The following GDF6 variants were observed in gnomAD, a reference collection of about 807,000 sequenced individuals.
The protein encoded by GDF6 is growth/differentiation factor 6.
Under a neutral mutation model 32.4 loss-of-function variants are expected in GDF6, and 3 were observed. The observed-to-expected ratio is 0.09, with a 90% CI of 0.04 to 0.24. The LOEUF (loss-of-function observed/expected upper bound fraction) is 0.24. Among genes scored for constraint, GDF6 ranks in the 10% least tolerant of loss-of-function variants. GDF6 has a pLI of 1.00. For missense variants in GDF6, 589 were observed against 637.9 expected (o/e 0.92, Z 0.83); for synonymous variants, 296 against 295.3 (o/e 1.00, Z -0.03).
At chr8:96,158,244 C>T (rs1158989888) in intron 1 of GDF6, among the ~76,000 whole-genome samples, 2 of 152,162 alleles carry the variant, frequency 1.3e-5, no homozygotes, top group Admixed American at 1.3e-4. Context: ...GAACAGAGGC[C>T]TCCCCAGACT....
At chr8:96,156,069 A>G (rs903958931) in intron 1 of GDF6, among the ~76,000 whole-genome samples, 2 of 152,194 alleles carry the variant, frequency 1.3e-5, no homozygotes, top group Non-Finnish European at 2.9e-5. Context: ...CCAACAAACA[A>G]TCAGTGGCAA....
intron 1 of GDF6, among the ~76,000 whole-genome samples, chr8:96,149,069 G>T (rs1329060834): frequency 6.6e-6 from 1 of 152,100 alleles, no homozygotes; most frequent in African/African-American, 2.4e-5. Context: ...GCCATCTGTG[G>T]GCAAAAAGCC....
At chr8:96,146,707 C>CACACAGAGAG (rs367654279) in intron 1 of GDF6, among the ~76,000 whole-genome samples, 1 of 139,920 alleles carries the variant, frequency 7.1e-6, no homozygotes, top group African/African-American at 2.9e-5. Flanking sequence ...CACACACACA[C>CACACAGAGAG]AGAGAGAGAG....
In GDF6 at chr8:96,160,392, T is replaced by C; in HGVS notation, c.301A>G (p.Ile101Val). 6.2e-7 allele frequency: 1 copy of C among 1,614,208 alleles called. No homozygotes were observed. Among genetic ancestry groups the C allele is most frequent in the Non-Finnish European group, 8.5e-7 (1 of 1,180,006 alleles). The change falls in exon 1 of 2, where the codon ATC becomes GTC. Residue 101 changes from isoleucine (I) to valine (V), a missense_variant. This residue lies in a region of GDF6 where 436 missense variants were observed against 411.2 expected (regional missense o/e 1.06). Coordinates refer to ENST00000287020, the MANE Select transcript of GDF6 (RefSeq NM_001001557.4). ...RVVPHEYMLS[I>V]YRTYSIAEKL... ...TCAGCGATGGAGTAAGTCCTGTAGA[T>C]TGACAGCATGTACTCGTGGGGCACC...
In GDF6 at chr8:96,144,391, T is replaced by C. The variant is rs115207215; in HGVS notation, c.*172A>G. The stretch of plus-strand genomic sequence containing the variant: ...CTCTGGGCTGGCAGGTAGAAGTTAC[T>C]GGGAAGGCTGCGCTCCCTTCTCTCC... On this transcript the variant is annotated 3_prime_UTR_variant, in exon 2 of 2. Coordinates refer to ENST00000287020, the MANE Select transcript of GDF6 (RefSeq NM_001001557.4). The surrounding 1 kb of genome is among the most constrained non-coding windows in gnomAD (Gnocchi z 5.1). 2,794 of 716,224 alleles carry C rather than the reference T, an allele frequency of 3.9e-3. 39 individuals carry two copies. In the African/African-American group the frequency reaches 0.043, roughly 11 times the overall value. 44.4% of individuals were successfully genotyped at this position (716,224 alleles called of 1,614,324 possible).
At chr8:96,157,259 G>A (rs1013385707) in intron 1 of GDF6, among the ~76,000 whole-genome samples, 1 of 152,082 alleles carries the variant, frequency 6.6e-6, no homozygotes, top group Non-Finnish European at 1.5e-5. Context: ...TGGAGGATAG[G>A]GAGAAGTGGC....
chr8:96,149,151 A>G lies in GDF6; in HGVS notation c.407-3627T>C, dbSNP rs184320722. 1.5e-3 allele frequency among the ~76,000 whole-genome samples: 233 copies of G among 152,310 alleles called. 1 individual carries two copies. The highest frequency in any genetic ancestry group is 5.3e-3 in the African/African-American group (220 of 41,562). ...GTATAAATGAAGACTGATGTCATCA[A>G]ATGATCCTCTCTCCCACCCCTTTGA... is the stretch of plus-strand genomic sequence containing the variant. On this transcript the variant is annotated intron_variant, in intron 1 of 1. Coordinates refer to ENST00000287020, the MANE Select transcript of GDF6 (RefSeq NM_001001557.4).
rs1812432608 is a variant in GDF6 at position 96,144,472 on chromosome 8, TTCC to T, written c.*88_*90del. On this transcript the variant is annotated 3_prime_UTR_variant, in exon 2 of 2. Transcript: ENST00000287020. The surrounding 1 kb of genome is among the most constrained non-coding windows in gnomAD (Gnocchi z 5.1). ...ACCCTCAGCCTCCCCCAGCGCCAGCTTCCTCCTCCGCCTCTCTGCAGCCAGGCC... is the reference window on the plus strand; with the variant it reads ...ACCCTCAGCCTCCCCCAGCGCCAGCTTCCTCCGCCTCTCTGCAGCCAGGCC... 6.7e-7 allele frequency: 1 copy of T among 1,501,524 alleles called. No homozygotes were observed. Among genetic ancestry groups the T allele is most frequent in the Admixed American group, 2.0e-5 (1 of 50,922 alleles). The allele number at this position is 1,501,524 out of a possible 1,614,324, so 93.0% of individuals were successfully genotyped here. A position where few individuals can be genotyped will look rare whatever the true frequency, so the allele number is the denominator to read the frequency against.
Position 96,144,017 on chromosome 8 carries a change from C to G in GDF6, c.*546G>C, listed in dbSNP as rs867944559. ...ATCTAACACTTTCTGTGTGGGAGGG[C>G]ACAAGACATGGGCTATGACATGGCC... On this transcript the variant is annotated 3_prime_UTR_variant, in exon 2 of 2. Coordinates refer to ENST00000287020, the MANE Select transcript of GDF6 (RefSeq NM_001001557.4). The surrounding 1 kb of genome is among the most constrained non-coding windows in gnomAD (Gnocchi z 5.1). 6.1e-6 allele frequency: 1 copy of G among 165,136 alleles called. No homozygotes were observed. The highest frequency in any genetic ancestry group is 1.3e-5 in the Non-Finnish European group (1 of 74,714). 10.2% of individuals were successfully genotyped at this position (165,136 alleles called of 1,614,324 possible).
chr8:96,154,199 C>A (rs1161309994), intron 1 of GDF6, among the ~76,000 whole-genome samples: 2 of 152,188 alleles, frequency 1.3e-5, no homozygotes, highest in African/African-American at 4.8e-5. Flanking sequence ...GAGGCCCGCC[C>A]CTGGCCTCTT....
intron 1 of GDF6, among the ~76,000 whole-genome samples, chr8:96,153,979 C>A (rs1812615365): frequency 6.6e-6 from 1 of 152,186 alleles, no homozygotes. Flanking sequence ...TTTCCCTCCA[C>A]GCTGAGCTTC....
At position 96,156,403 on chromosome 8, in the gene GDF6, TC is replaced by T. The variant is rs1391352970; in HGVS notation, c.406+3883del. ...CTCTCTCTCTCTCTCTCTCTCTCTC[TC>T]TTTCCCTCTCTCTCTCTCTCTCTGT... On this transcript the variant is annotated intron_variant, in intron 1 of 1. Transcript: ENST00000287020. Among the ~76,000 whole-genome samples, 77 of 132,390 alleles carry T rather than the reference TC, an allele frequency of 5.8e-4. No homozygotes were observed. The South Asian group carries it at 0.018, about 32-fold the overall frequency. 86.9% of individuals were successfully genotyped at this position (132,390 alleles called of 152,430 possible).
At chr8:96,158,825 T>C (rs973681808) in intron 1 of GDF6, among the ~76,000 whole-genome samples, 25 of 152,202 alleles carry the variant, frequency 1.6e-4, no homozygotes, top group African/African-American at 5.5e-4. Flanking sequence ...AAGGTGACTT[T>C]AGTAGCCCTA....
chr8:96,160,203 C>A, intron 1 of GDF6, 84 bp downstream of exon 1: 1 of 1,372,744 alleles, frequency 7.3e-7, no homozygotes. Context: ...GAAGGGAATT[C>A]ACAAATGTAG....
In GDF6 at chr8:96,144,187, C is replaced by T. The variant is rs1377016758; in HGVS notation, c.*376G>A. ...TGAGAAACGGGTATGCATCTCTCCT[C>T]CCCTCCCCTTCTATCAAAGCCTGTA... On this transcript the variant is annotated 3_prime_UTR_variant, in exon 2 of 2. Transcript: ENST00000287020. This position sits in a 1 kb window ranked among gnomAD's most constrained non-coding sequence, Gnocchi z 5.1. The T allele has an allele frequency of 4.4e-6, 1 of 228,628 alleles. No homozygotes were observed. The highest frequency in any genetic ancestry group is 2.3e-5 in the African/African-American group (1 of 42,562). The allele number at this position is 228,628 out of a possible 1,614,324, so 14.2% of individuals were successfully genotyped here.
chr8:96,160,375 G>T lies in GDF6; in HGVS notation c.318C>A (p.Ser106=). The change falls in exon 1 of 2, where the codon TCC becomes TCA. Residue 106 remains serine, a synonymous_variant. Transcript: ENST00000287020. ...EYMLSIYRTY[S]IAEKLGINAS... ...CATTGATGCCCAGCTTCTCAGCGAT[G>T]GAGTAAGTCCTGTAGATTGACAGCA... The T allele has an allele frequency of 3.7e-6, 6 of 1,614,212 alleles. No homozygotes were observed. The highest frequency in any genetic ancestry group is 5.1e-6 in the Non-Finnish European group (6 of 1,180,040).
rs1812397766 is a variant in GDF6, at chr8:96,142,981, A to G, written c.*1582T>C. ...ATTTTATAGTCAAAGATGAGGAGGA[A>G]GCTAACTCTTCAAAGGGCCTACTCA... On this transcript the variant is annotated 3_prime_UTR_variant, in exon 2 of 2. Coordinates refer to ENST00000287020, the MANE Select transcript of GDF6 (RefSeq NM_001001557.4). 6.6e-6 allele frequency: 1 copy of G among 152,228 alleles called. No individual in the cohort carries two copies. Among genetic ancestry groups the G allele is most frequent in the Non-Finnish European group, 1.5e-5 (1 of 68,036 alleles). The allele number at this position is 152,228 out of a possible 1,614,324, so 9.4% of individuals were successfully genotyped here.
rs546034931 is a variant in GDF6 at position 96,145,898 on chromosome 8, G to A, written c.407-374C>T. On this transcript the variant is annotated intron_variant, in intron 1 of 1. Coordinates refer to ENST00000287020, the MANE Select transcript of GDF6 (RefSeq NM_001001557.4). The surrounding 1 kb of genome is among the most constrained non-coding windows in gnomAD (Gnocchi z 5.6). ...CCTAGACCTCCTCTGGGCTGGGCTG[G>A]CTCGTTCTCGTTGACGTCTCAAATG... 6.6e-6 allele frequency among the ~76,000 whole-genome samples: 1 copy of A among 152,326 alleles called. No homozygotes were observed. Among genetic ancestry groups the A allele is most frequent in the Admixed American group, 6.5e-5 (1 of 15,302 alleles).
At chr8:96,158,594 ACTT>A (rs1333200438) in intron 1 of GDF6, among the ~76,000 whole-genome samples, 26 of 152,158 alleles carry the variant, frequency 1.7e-4, no homozygotes, top group Admixed American at 1.7e-3. Context: ...GGCCTCTGGG[ACTT>A]CTTCTCTTGA....
Sources: allele counts gnomAD v4.1 joint callset (sites outside exome capture counted in the v4.1 genomes callset), GRCh38; gene constraint gnomAD v4.1.1; regional missense constraint gnomAD v4.1.1; non-coding constraint Gnocchi (gnomAD v3.1); transcripts MANE v1.5; gene names NCBI Gene and HGNC (gene_info 2026-07-23, HGNC 2026-07-21).